Variants in ATP2B2 observed in about 807,000 individuals in gnomAD.
ATP2B2 encodes plasma membrane calcium-transporting ATPase 2.
Under a neutral mutation model 120.0 loss-of-function variants are expected in ATP2B2, and 15 were observed. That is an observed-to-expected ratio of 0.12 (90% CI 0.08 to 0.19). The LOEUF (loss-of-function observed/expected upper bound fraction) is 0.19. Ranked by LOEUF, ATP2B2 falls within the 10% of genes least tolerant of loss-of-function variation. The probability of loss-of-function intolerance (pLI) is 1.00; values close to 1 mark genes in which losing one functional copy is unlikely to be tolerated. For missense variants in ATP2B2, 1,045 were observed against 1,719.8 expected, an observed-to-expected ratio of 0.61 and a Z score of 6.94; for synonymous variants, 694 against 700.3, an observed-to-expected ratio of 0.99 and a Z score of 0.14.
At chr3:10,427,316 T>C (rs1352403895) in intron 2 of ATP2B2, among the ~76,000 whole-genome samples, 1 of 152,178 alleles carries the variant, frequency 6.6e-6, no homozygotes, top group Admixed American at 6.5e-5. Context: ...TCCCCGGGGT[T>C]TCTTGGATTT....
chr3:10,612,736 C>T (rs1045337355), intron 2 of ATP2B2, among the ~76,000 whole-genome samples: 4 of 152,186 alleles, frequency 2.6e-5, no homozygotes, highest in African/African-American at 9.7e-5. Flanking sequence ...CACACCATTA[C>T]CCTCTGTTTT....
intron 1 of ATP2B2, among the ~76,000 whole-genome samples, chr3:10,484,132 G>A (rs1366910684): frequency 5.9e-5 from 9 of 152,220 alleles, no homozygotes; most frequent in Non-Finnish European, 1.3e-4. Flanking sequence ...CATCGTGATG[G>A]TGCTGGCCCT....
At chr3:10,673,183 T>A (rs2071157133) in intron 1 of ATP2B2, among the ~76,000 whole-genome samples, 1 of 152,128 alleles carries the variant, frequency 6.6e-6, no homozygotes, top group Admixed American at 6.5e-5. Context: ...TGCTTTTGTT[T>A]CCCACAAATG....
At position 10,449,688 on chromosome 3, in the gene ATP2B2, G is replaced by T; in HGVS notation, c.-145C>A. On this transcript the variant is annotated 5_prime_UTR_variant, in exon 2 of 23. Transcript: ENST00000360273. ...CGGCCGACTCCGGGTCCCGGGGGGTGGGGGTGGCCGAGGCGGGCTGGTGAC... is the reference window on the plus strand; with the variant it reads ...CGGCCGACTCCGGGTCCCGGGGGGTTGGGGTGGCCGAGGCGGGCTGGTGAC... 1 of 968,010 alleles carries T rather than the reference G, an allele frequency of 1.0e-6. No individual in the cohort carries two copies. Among genetic ancestry groups the T allele is most frequent in the Non-Finnish European group, 1.6e-6 (1 of 621,424 alleles). 60.0% of individuals were successfully genotyped at this position (968,010 alleles called of 1,614,324 possible).
intron 2 of ATP2B2, among the ~76,000 whole-genome samples, chr3:10,421,937 T>C (rs1319147355): frequency 6.6e-6 from 1 of 152,260 alleles, no homozygotes; most frequent in African/African-American, 2.4e-5. Flanking sequence ...AAGAACAATC[T>C]GTCCTCATCC....
At chr3:10,665,413 A>G (rs896441506) in intron 1 of ATP2B2, among the ~76,000 whole-genome samples, 5 of 151,804 alleles carry the variant, frequency 3.3e-5, no homozygotes, top group Admixed American at 3.3e-4. Context: ...GCTGTCCCTT[A>G]CTAACCTCCC....
At chr3:10,397,423 A>T (rs1314003164) in intron 5 of ATP2B2, among the ~76,000 whole-genome samples, 1 of 152,200 alleles carries the variant, frequency 6.6e-6, no homozygotes, top group African/African-American at 2.4e-5. Flanking sequence ...TGGTTTGTGC[A>T]GTGCAAAACT....
chr3:10,514,701 C>A (rs1408928433), intron 3 of ATP2B2, among the ~76,000 whole-genome samples: 3 of 152,234 alleles, frequency 2.0e-5, no homozygotes, highest in African/African-American at 7.2e-5. Context: ...TGTGGGGCTA[C>A]CTTGCTCAGG....
At chr3:10,494,986 T>TATTG (rs1186015018) in intron 1 of ATP2B2, among the ~76,000 whole-genome samples, 1 of 152,204 alleles carries the variant, frequency 6.6e-6, no homozygotes, top group Non-Finnish European at 1.5e-5. Flanking sequence ...TGGCAGGTGC[T>TATTG]TAAGACATGT....
intron 21 of ATP2B2, among the ~76,000 whole-genome samples, 153 bp from the exon 22 acceptor site, chr3:10,338,511 A>G (rs533400870): frequency 7.0e-6 from 1 of 143,138 alleles, no homozygotes; most frequent in South Asian, 2.3e-4. Context: ...TCCTCAGCCC[A>G]GTCTTTGACA....
At chr3:10,659,421 C>CA (rs2070722546) in intron 1 of ATP2B2, among the ~76,000 whole-genome samples, 1 of 151,558 alleles carries the variant, frequency 6.6e-6, no homozygotes, top group African/African-American at 2.4e-5. Flanking sequence ...AAATGGAAAA[C>CA]AAAAAAAGGC....
At chr3:10,422,343 T>C (rs1364314691) in intron 2 of ATP2B2, among the ~76,000 whole-genome samples, 3 of 152,228 alleles carry the variant, frequency 2.0e-5, no homozygotes, top group Non-Finnish European at 4.4e-5. Flanking sequence ...CTGTATGGGC[T>C]GTCAAGGTAA....
chr3:10,485,721 A>G (rs1042645682), intron 1 of ATP2B2, among the ~76,000 whole-genome samples: 2 of 152,082 alleles, frequency 1.3e-5, no homozygotes, highest in Non-Finnish European at 2.9e-5. Context: ...CTGGGGTCTG[A>G]GGTCTGGATG....
Position 10,618,350 on chromosome 3 carries a change from G to A in ATP2B2, c.-415+1567C>T, listed in dbSNP as rs545456138. ...TAGTACTGTGCCTGGCACATGGTAG[G>A]GCACGGCAAATACCAGTTCCCACGC... On this transcript the variant is annotated intron_variant, in intron 2 of 21. Coordinates refer to the ATP2B2 transcript ENST00000646379. Among the ~76,000 whole-genome samples the A allele has an allele frequency of 4.6e-5, 7 of 152,228 alleles. No individual in the cohort carries two copies. In the East Asian group the frequency reaches 1.4e-3, roughly 29 times the overall value.
chr3:10,514,770 C>CTG, intron 3 of ATP2B2, among the ~76,000 whole-genome samples: 1 of 152,360 alleles, frequency 6.6e-6, no homozygotes, highest in East Asian at 1.9e-4. Flanking sequence ...GGCCTGCCAC[C>CTG]AGCAGCGGGG....
intron 1 of ATP2B2, among the ~76,000 whole-genome samples, chr3:10,705,722 G>A (rs763595812): frequency 3.9e-5 from 6 of 152,184 alleles, no homozygotes; most frequent in Non-Finnish European, 7.3e-5. Flanking sequence ...CCCCAAAAGC[G>A]CTTCGTACAC....
chr3:10,636,295 T>C (rs1057366861), intron 1 of ATP2B2, among the ~76,000 whole-genome samples: 1 of 152,132 alleles, frequency 6.6e-6, no homozygotes, highest in Non-Finnish European at 1.5e-5. Flanking sequence ...GCAGGCTGTG[T>C]CATTTCCCAG....
intron 2 of ATP2B2, among the ~76,000 whole-genome samples, chr3:10,432,116 G>A (rs2063334160): frequency 6.6e-6 from 1 of 152,190 alleles, no homozygotes; most frequent in South Asian, 2.1e-4. Flanking sequence ...AAAGAGCAGG[G>A]GCTTGAGCCA....
intron 1 of ATP2B2, among the ~76,000 whole-genome samples, chr3:10,669,641 T>G (rs994385060): frequency 2.6e-5 from 4 of 152,196 alleles, no homozygotes; most frequent in African/African-American, 9.7e-5. Context: ...GCAATTTCAA[T>G]GCGGGCTATC....
Sources: allele counts gnomAD v4.1 joint callset (sites outside exome capture counted in the v4.1 genomes callset), GRCh38; gene constraint gnomAD v4.1.1; transcripts MANE v1.5; gene names NCBI Gene and HGNC (gene_info 2026-07-23, HGNC 2026-07-21).